SYNE1: variants seen among roughly 807,000 people sequenced by gnomAD.
SYNE1 encodes spectrin repeat containing nuclear envelope protein 1.
A neutral mutation model predicts 1,111.0 loss-of-function variants in SYNE1; 616 were observed. The ratio of observed to expected loss-of-function variants is 0.55; its 90% CI spans 0.52 to 0.59. SYNE1 has a LOEUF of 0.59. Ranked by LOEUF, SYNE1 falls within the 20% of genes least tolerant of loss-of-function variation. The probability of loss-of-function intolerance (pLI) is 0.00; values close to 1 mark genes in which losing one functional copy is unlikely to be tolerated. For synonymous variants in SYNE1, 3,855 were observed against 3,825.8 expected, an observed-to-expected ratio of 1.01 and a Z score of -0.28; for missense variants, 10,006 against 10,417.0, an observed-to-expected ratio of 0.96 and a Z score of 1.72.
intron 74 of SYNE1, among the ~76,000 whole-genome samples, chr6:152,342,932 T>C (rs1191872943): frequency 6.6e-6 from 1 of 152,190 alleles, no homozygotes; most frequent in Non-Finnish European, 1.5e-5. Context: ...TGCAAGAAGC[T>C]AGTATTACTT....
Position 152,391,453 on chromosome 6 carries a change from T to C in SYNE1, c.7828A>G (p.Arg2610Gly), listed in dbSNP as rs2097626928. Residue 2610 changes from arginine to glycine, a missense_variant, in exon 52 of 146, where the codon AGA becomes GGA. Around this residue, in one of 7 missense-constraint regions of SYNE1, gnomAD observed 4,955 missense variants for 5,017.2 expected, o/e 0.99. Coordinates refer to ENST00000367255, the MANE Select transcript of SYNE1 (RefSeq NM_182961.4). ...CTCCGGAGTTTCTCTTTGGTCATTC[T>C]AAGTAGGTTCTGGTGGCTTGTGAGG... Reference protein sequence around the residue: ...QLLTSHQNLLRMTKEKLRSCQ... With the variant: ...QLLTSHQNLLGMTKEKLRSCQ... 1 of 1,613,834 alleles carries C rather than the reference T, an allele frequency of 6.2e-7. No individual in the cohort carries two copies. The highest frequency in any genetic ancestry group is 1.3e-5 in the African/African-American group (1 of 74,842).
intron 63 of SYNE1, among the ~76,000 whole-genome samples, chr6:152,363,572 T>G (rs897504691): frequency 6.6e-6 from 1 of 152,100 alleles, no homozygotes; most frequent in Non-Finnish European, 1.5e-5. Flanking sequence ...ATTAATCATT[T>G]CTGCCTAATT....
chr6:152,161,699 A>T (rs905564943), intron 131 of SYNE1, among the ~76,000 whole-genome samples: 15 of 152,056 alleles, frequency 9.9e-5, no homozygotes, highest in African/African-American at 3.6e-4. Context: ...CATATTCAAG[A>T]ATGAGTCAGC....
At chr6:152,294,799 T>C (rs2094789512) in intron 93 of SYNE1, among the ~76,000 whole-genome samples, 1 of 152,156 alleles carries the variant, frequency 6.6e-6, no homozygotes, top group Admixed American at 6.5e-5. Flanking sequence ...ACATATTTTA[T>C]TTGTACTGAT....
rs750044747 is a variant in SYNE1 at position 152,352,328 on chromosome 6, C to A, written c.11279G>T (p.Gly3760Val). Residue 3760 changes from glycine to valine, a missense_variant, in exon 70 of 146, where the codon GGT (glycine) becomes GTT (valine). Gly to Val is a moderately radical substitution (Grantham distance 109). Coordinates refer to ENST00000367255, the MANE Select transcript of SYNE1 (RefSeq NM_182961.4). Reference sequence around the variant, plus strand: ...CCGGGCTGATTTCAGCAAACTGTGACCTTTCTCCATGTCTTTGAGCAAAAC... The same window carrying A: ...CCGGGCTGATTTCAGCAAACTGTGAACTTTCTCCATGTCTTTGAGCAAAAC... ...LEVLLKDMEKGHSLLKSAREK... is the reference protein window; with the variant it reads ...LEVLLKDMEKVHSLLKSAREK... The A allele has an allele frequency of 6.2e-7, 1 of 1,614,036 alleles. No individual in the cohort carries two copies.
intron 25 of SYNE1, among the ~76,000 whole-genome samples, chr6:152,451,565 C>G (rs1322258772): frequency 1.4e-5 from 2 of 148,018 alleles, no homozygotes; most frequent in Non-Finnish European, 3.0e-5. Context: ...TCACTGCAAC[C>G]TCCACATCCT....
intron 140 of SYNE1, among the ~76,000 whole-genome samples, chr6:152,139,442 G>A (rs913184802): frequency 6.6e-6 from 1 of 151,370 alleles, no homozygotes; most frequent in Non-Finnish European, 1.5e-5. Context: ...ATGGTGGTGC[G>A]TGCCTGTAAT....
At chr6:152,215,881 T>C (rs2078517327) in intron 121 of SYNE1, among the ~76,000 whole-genome samples, 1 of 152,204 alleles carries the variant, frequency 6.6e-6, no homozygotes, top group South Asian at 2.1e-4. Context: ...AAATAAGATT[T>C]CACTTGAGCT....
At chr6:152,611,867 G>A (rs924437413) in intron 3 of SYNE1, among the ~76,000 whole-genome samples, 19 of 151,922 alleles carry the variant, frequency 1.3e-4, no homozygotes, top group Admixed American at 1.2e-3. Context: ...ACAACTACGT[G>A]GAAACTGAAC....
At chr6:152,605,027 A>G (rs1219949217) in intron 3 of SYNE1, among the ~76,000 whole-genome samples, 53 of 67,724 alleles carry the variant, frequency 7.8e-4, no homozygotes, top group East Asian at 2.6e-3. Flanking sequence ...AGAGAGAGAG[A>G]GAGAGAGAGG....
intron 82 of SYNE1, among the ~76,000 whole-genome samples, chr6:152,322,732 C>T (rs754856391): frequency 1.3e-5 from 2 of 152,148 alleles, no homozygotes; most frequent in African/African-American, 2.4e-5. Context: ...GAAAGTGACA[C>T]GTTTATTCCT....
At chr6:152,240,473 C>T (rs1192399361) in intron 107 of SYNE1, among the ~76,000 whole-genome samples, 1 of 152,164 alleles carries the variant, frequency 6.6e-6, no homozygotes, top group Non-Finnish European at 1.5e-5. Flanking sequence ...CTACACATAA[C>T]ATAACTGTAG....
rs1399509145 is a variant in SYNE1, at chr6:152,371,931, AGGAC to A, written c.9507+1102_9507+1105del. ...AGGAAAGGAAAGGAAAGGACAGGAC[AGGAC>A]AGGAAAGGAAAGGAAAGGAAAGGAA... is the stretch of plus-strand genomic sequence containing the variant. On this transcript the variant is annotated intron_variant, in intron 59 of 145. Coordinates refer to ENST00000367255, the MANE Select transcript of SYNE1 (RefSeq NM_182961.4). Among the ~76,000 whole-genome samples the A allele has an allele frequency of 8.4e-4, 70 of 82,998 alleles. 3 individuals carry two copies. The highest frequency in any genetic ancestry group is 1.5e-3 in the African/African-American group (33 of 22,052). The allele number at this position is 82,998 out of a possible 152,430, so 54.4% of individuals were successfully genotyped here.
At chr6:152,587,136 T>A (rs116294837) in intron 3 of SYNE1, among the ~76,000 whole-genome samples, 227 of 149,320 alleles carry the variant, frequency 1.5e-3, no homozygotes, top group African/African-American at 5.4e-3. Flanking sequence ...CTTGATCTGA[T>A]CCAATTATCA....
At chr6:152,435,628 T>A in intron 33 of SYNE1, 1 of 384,952 alleles carries the variant, frequency 2.6e-6, no homozygotes, top group Non-Finnish European at 4.6e-6. Flanking sequence ...AAAATTATTT[T>A]AAATATTAGT....
intron 96 of SYNE1, among the ~76,000 whole-genome samples, chr6:152,283,259 T>C (rs534885554): frequency 4.8e-4 from 73 of 152,362 alleles, no homozygotes; most frequent in South Asian, 1.7e-3. Context: ...AGTATTTTCA[T>C]GAATTACTAT....
At position 152,352,150 on chromosome 6, in the gene SYNE1, C is replaced by T; in HGVS notation, c.11457G>A (p.Lys3819=). 1.2e-6 allele frequency: 2 copies of T among 1,614,182 alleles called. No homozygotes were observed. Among genetic ancestry groups the T allele is most frequent in the South Asian group, 2.2e-5 (2 of 91,088 alleles). The change falls in exon 70 of 146, where the codon AAG becomes AAA. Residue 3819 remains lysine, a synonymous_variant. Transcript: ENST00000367255. ...MTLEKGLHLA[K]EFSDKCKALT... is the part of the protein sequence containing the mutation. ...GTGCTTTGCATTTATCTGAGAATTC[C>T]TTTGCTAAATGAAGACCTTTTTCCA...
chr6:152,573,264 G>C (rs2099475341), intron 3 of SYNE1, among the ~76,000 whole-genome samples: 1 of 151,564 alleles, frequency 6.6e-6, no homozygotes, highest in Non-Finnish European at 1.5e-5. Context: ...CATGTGCCAT[G>C]TTGGTGTGCT....
At chr6:152,234,591 T>C (rs1377972227) in intron 111 of SYNE1, 77 bp downstream of exon 111, 18 of 1,585,696 alleles carry the variant, frequency 1.1e-5, no homozygotes, top group African/African-American at 4.0e-5. Flanking sequence ...GCACCCGGCC[T>C]GACTTCTTTT....
Sources: gnomAD v4.1 joint callset for allele counts (sites outside exome capture counted in the v4.1 genomes callset) on GRCh38, gnomAD v4.1.1 for gene constraint, gnomAD v4.1.1 regional missense constraint, MANE v1.5 for transcripts, NCBI Gene and HGNC (gene_info 2026-07-23, HGNC 2026-07-21) for gene names.